ERBB4: variants seen among roughly 807,000 people sequenced by gnomAD.
The protein encoded by ERBB4 is receptor tyrosine-protein kinase erbB-4.
ERBB4 carries 42 observed loss-of-function variants against 158.0 expected under a neutral mutation model. That is an observed-to-expected ratio of 0.27 (90% CI 0.21 to 0.34). ERBB4 has a LOEUF of 0.34. Among genes scored for constraint, ERBB4 ranks in the 10% least tolerant of loss-of-function variants. ERBB4 has a pLI of 1.00. For missense variants in ERBB4, 1,333 were observed against 1,624.1 expected (o/e 0.82, Z 3.08); for synonymous variants, 583 against 558.7 (o/e 1.04, Z -0.61).
intron 7 of ERBB4, among the ~76,000 whole-genome samples, chr2:211,713,986 G>A (rs1054425099): frequency 6.6e-6 from 1 of 152,156 alleles, no homozygotes; most frequent in African/African-American, 2.4e-5. Flanking sequence ...CATGACGCAA[G>A]TTTGAAGTCC....
intron 3 of ERBB4, among the ~76,000 whole-genome samples, chr2:211,935,116 T>G (rs147152050): frequency 0.035 from 5,279 of 152,210 alleles, 124 homozygotes; most frequent in Middle Eastern, 0.088. Flanking sequence ...GCTTCAAATC[T>G]GAACTCTATA....
rs375535446 is a variant in ERBB4 at position 212,538,610 on chromosome 2, C to A, written c.-80G>T. 1.4e-6 allele frequency: 2 copies of A among 1,448,148 alleles called. No individual in the cohort carries two copies. The highest frequency in any genetic ancestry group is 1.4e-5 in the African/African-American group (1 of 71,568). 89.7% of individuals were successfully genotyped at this position (1,448,148 alleles called of 1,614,324 possible). A position where few individuals can be genotyped will look rare whatever the true frequency, so the allele number is the denominator to read the frequency against. ...CCCTTTCGGGCACGCGGAGGAGATCCCCCAGCCGGGCGCGCGTGGGGGTGC... is the reference window on the plus strand; with the variant it reads ...CCCTTTCGGGCACGCGGAGGAGATCACCCAGCCGGGCGCGCGTGGGGGTGC... On this transcript the variant is annotated 5_prime_UTR_variant, in exon 1 of 28. Transcript: ENST00000342788.
intron 1 of ERBB4, among the ~76,000 whole-genome samples, chr2:212,191,254 T>G (rs1451530557): frequency 6.6e-6 from 1 of 152,140 alleles, no homozygotes; most frequent in East Asian, 1.9e-4. Context: ...GAATTTGCAT[T>G]TCTAACCATT....
intron 5 of ERBB4, among the ~76,000 whole-genome samples, chr2:211,738,383 T>G (rs1172622945): frequency 6.6e-6 from 1 of 150,448 alleles, no homozygotes; most frequent in African/African-American, 2.4e-5. Flanking sequence ...TTTTTTTTTT[T>G]TTTGAGACAG....
Position 211,500,265 on chromosome 2 carries a change from C to T in ERBB4, c.2487+61638G>A, listed in dbSNP as rs535692508. On this transcript the variant is annotated intron_variant, in intron 20 of 27. Coordinates refer to ENST00000342788, the MANE Select transcript of ERBB4 (RefSeq NM_005235.3). ...CCACATTACTTATTCAAATATTTGA[C>T]ACAATATAGCCACTGGACTATAAAT... Among the ~76,000 whole-genome samples the T allele has an allele frequency of 7.9e-5, 12 of 152,142 alleles. No individual in the cohort carries two copies. The South Asian group carries it at 2.3e-3, about 29-fold the overall frequency.
intron 1 of ERBB4, among the ~76,000 whole-genome samples, chr2:212,131,783 G>C (rs1026074132): frequency 1.3e-5 from 2 of 152,142 alleles, no homozygotes; most frequent in African/African-American, 4.8e-5. Flanking sequence ...CCCAATCAAA[G>C]CAGGACTAGT....
chr2:212,336,791 G>A (rs994216340), intron 1 of ERBB4, among the ~76,000 whole-genome samples: 4 of 151,724 alleles, frequency 2.6e-5, no homozygotes, highest in Non-Finnish European at 4.4e-5. Flanking sequence ...CTTCCCAAAC[G>A]GAAACCAAGT....
intron 15 of ERBB4, among the ~76,000 whole-genome samples, chr2:211,664,108 G>T (rs1175727620): frequency 6.6e-6 from 1 of 152,116 alleles, no homozygotes; most frequent in Non-Finnish European, 1.5e-5. Flanking sequence ...ACCTTTTGAG[G>T]ATCTGTCACT....
Position 212,182,548 on chromosome 2 carries a change from A to T in ERBB4, c.83-57645T>A, listed in dbSNP as rs886104068. Among the ~76,000 whole-genome samples, 23 of 151,830 alleles carry T rather than the reference A, an allele frequency of 1.5e-4. 1 individual carries two copies. Among genetic ancestry groups the T allele is most frequent in the Non-Finnish European group, 3.4e-4 (23 of 67,836 alleles). ...ATCACTGTCAGGTTTGTAGGTGAAA[A>T]ATGATGCTCTGAACTGTTGTTTTTA... On this transcript the variant is annotated intron_variant, in intron 1 of 27. Transcript: ENST00000342788.
At chr2:211,717,351 T>G (rs954778507) in intron 7 of ERBB4, among the ~76,000 whole-genome samples, 1 of 152,200 alleles carries the variant, frequency 6.6e-6, no homozygotes, top group Non-Finnish European at 1.5e-5. Flanking sequence ...TATTGAAATA[T>G]TTAAGATGCA....
chr2:211,761,887 C>G (rs535465621), intron 4 of ERBB4, among the ~76,000 whole-genome samples: 49 of 152,256 alleles, frequency 3.2e-4, no homozygotes, highest in Middle Eastern at 3.4e-3. Flanking sequence ...AAAACCCCAG[C>G]TATTAAATCA....
chr2:211,709,672 T>C (rs2073617599), intron 9 of ERBB4, among the ~76,000 whole-genome samples: 1 of 152,290 alleles, frequency 6.6e-6, no homozygotes, highest in South Asian at 2.1e-4. Flanking sequence ...GATTGAGTCA[T>C]GTTTTATACA....
At chr2:212,083,825 C>T (rs1451739396) in intron 2 of ERBB4, among the ~76,000 whole-genome samples, 2 of 151,124 alleles carry the variant, frequency 1.3e-5, no homozygotes, top group African/African-American at 4.9e-5. Context: ...AAACCAAATT[C>T]TGATTTTCTG....
chr2:211,605,914 T>C (rs1247515388), intron 19 of ERBB4, among the ~76,000 whole-genome samples: 1 of 152,080 alleles, frequency 6.6e-6, no homozygotes, highest in Admixed American at 6.6e-5. Flanking sequence ...CCAAGATCTT[T>C]TATATCAAGA....
chr2:212,202,956 A>C (rs1271802535), intron 1 of ERBB4, among the ~76,000 whole-genome samples: 1 of 151,544 alleles, frequency 6.6e-6, no homozygotes, highest in Non-Finnish European at 1.5e-5. Context: ...CCATAATAAT[A>C]CTATACATTT....
intron 25 of ERBB4, among the ~76,000 whole-genome samples, chr2:211,414,436 C>T (rs750398741): frequency 4.9e-5 from 7 of 141,638 alleles, no homozygotes; most frequent in Non-Finnish European, 9.0e-5. Context: ...GCAGAGGTTG[C>T]GGTAAGCTGA....
chr2:211,934,886 C>A (rs13396370), intron 3 of ERBB4, among the ~76,000 whole-genome samples: 31,850 of 136,504 alleles, frequency 0.23, 5,003 homozygotes, highest in Non-Finnish European at 0.35. Flanking sequence ...CATTTCATTT[C>A]CTAAGTAAAA....
intron 1 of ERBB4, among the ~76,000 whole-genome samples, chr2:212,260,246 T>C (rs759850054): frequency 1.8e-4 from 28 of 151,934 alleles, no homozygotes; most frequent in Non-Finnish European, 2.1e-4. Flanking sequence ...TAAAAAGAAC[T>C]AGAAAATTCA....
chr2:212,237,157 T>G (rs1190164311), intron 1 of ERBB4, among the ~76,000 whole-genome samples: 1 of 152,184 alleles, frequency 6.6e-6, no homozygotes. Context: ...GAAGAAATAT[T>G]ATCACTTTTG....
Sources: gnomAD v4.1 joint callset for allele counts (sites outside exome capture counted in the v4.1 genomes callset) on GRCh38, gnomAD v4.1.1 for gene constraint, MANE v1.5 for transcripts, NCBI Gene and HGNC (gene_info 2026-07-23, HGNC 2026-07-21) for gene names.